Variants in HELLS observed in about 807,000 individuals in gnomAD.
HELLS encodes helicase, lymphoid specific.
Under a neutral mutation model 120.0 loss-of-function variants are expected in HELLS, and 32 were observed. The ratio of observed to expected loss-of-function variants is 0.27; its 90% CI spans 0.20 to 0.36. The LOEUF (loss-of-function observed/expected upper bound fraction) is 0.36, where lower values mean the gene tolerates loss of function less well. Ranked by LOEUF, HELLS falls within the 10% of genes least tolerant of loss-of-function variation. The probability of loss-of-function intolerance (pLI) is 1.00; values close to 1 mark genes in which losing one functional copy is unlikely to be tolerated. For missense variants in HELLS, 650 were observed against 993.4 expected (o/e 0.65, Z 4.65); for synonymous variants, 341 against 323.4 (o/e 1.05, Z -0.58).
chr10:94,567,905 GTTTTT>G (rs34881072), intron 6 of HELLS, among the ~76,000 whole-genome samples: 28 of 130,630 alleles, frequency 2.1e-4, no homozygotes, highest in Non-Finnish European at 3.7e-4. Flanking sequence ...TGAAACCCTG[GTTTTT>G]TTTTTTTTTT....
chr10:94,563,899 T>C (rs186464788), intron 6 of HELLS, among the ~76,000 whole-genome samples: 1 of 151,304 alleles, frequency 6.6e-6, no homozygotes, highest in East Asian at 2.0e-4. Context: ...CATCCTCCGC[T>C]TCCCAGGTTC....
At chr10:94,579,362 G>A (rs1398346513) in intron 10 of HELLS, among the ~76,000 whole-genome samples, 4 of 151,520 alleles carry the variant, frequency 2.6e-5, no homozygotes, top group Non-Finnish European at 5.9e-5. Context: ...AACCATGCCC[G>A]GCTAATTTTT....
chr10:94,555,467 G>T (rs2134000911), intron 3 of HELLS, among the ~76,000 whole-genome samples: 1 of 152,208 alleles, frequency 6.6e-6, no homozygotes, highest in Non-Finnish European at 1.5e-5. Flanking sequence ...AACCCCAAAA[G>T]GGGACAGGGT....
intron 8 of HELLS, among the ~76,000 whole-genome samples, chr10:94,607,693 T>A (rs1206560055): frequency 4.6e-5 from 7 of 152,180 alleles, no homozygotes; most frequent in Admixed American, 4.6e-4. Flanking sequence ...GTATATGATT[T>A]TTTTAGTCTT....
intron 9 of HELLS, among the ~76,000 whole-genome samples, chr10:94,576,272 C>G (rs1269933971): frequency 6.6e-6 from 1 of 152,188 alleles, no homozygotes; most frequent in Non-Finnish European, 1.5e-5. Flanking sequence ...TCTCACTCCA[C>G]TGGGTGAGTA....
intron 15 of HELLS, 40 bp from the exon 16 acceptor site, chr10:94,592,189 A>T: frequency 7.0e-7 from 1 of 1,427,618 alleles, no homozygotes; most frequent in East Asian, 2.3e-5. Context: ...AGCAAATAAC[A>T]GTTTTCTCTC....
At position 94,590,923 on chromosome 10, in the gene HELLS, GTCT is replaced by G. The variant is rs1442242292; in HGVS notation, c.1767+152_1767+154del. ...TGTAATCCTTCAGTAAGCTGAGACA[GTCT>G]TCTTTCCGAAATTTCAGAGAACCTT... On this transcript the variant is annotated intron_variant, in intron 15 of 21. Coordinates refer to ENST00000348459, the MANE Select transcript of HELLS (RefSeq NM_018063.5). The G allele has an allele frequency of 2.7e-5, 13 of 473,734 alleles. No homozygotes were observed. The South Asian group carries it at 3.6e-4, about 13-fold the overall frequency. The allele number at this position is 473,734 out of a possible 1,614,324, so 29.3% of individuals were successfully genotyped here. A position where few individuals can be genotyped will look rare whatever the true frequency, so the allele number is the denominator to read the frequency against.
chr10:94,562,152 C>A (rs538632934), intron 4 of HELLS, among the ~76,000 whole-genome samples: 412 of 151,886 alleles, frequency 2.7e-3, no homozygotes, highest in Non-Finnish European at 4.2e-3. Context: ...GCCTGTAATC[C>A]CAGCACTTGG....
rs1036161222 is a variant in HELLS at position 94,551,254 on chromosome 10, G to T, written c.154-2872G>T. 3.9e-5 allele frequency among the ~76,000 whole-genome samples: 6 copies of T among 152,116 alleles called. No individual in the cohort carries two copies. In the East Asian group the frequency reaches 1.2e-3, roughly 29 times the overall value. On this transcript the variant is annotated intron_variant, in intron 2 of 21. Transcript: ENST00000348459. ...TTAGGTCCATTCTTAGAATCTTACTGTAGTCACTGATTTTATAATAGAAAT... is the reference window on the plus strand; with the variant it reads ...TTAGGTCCATTCTTAGAATCTTACTTTAGTCACTGATTTTATAATAGAAAT...
chr10:94,605,094 T>C (rs955031594), downstream of HELLS, among the ~76,000 whole-genome samples: 1 of 131,812 alleles, frequency 7.6e-6, no homozygotes, highest in African/African-American at 2.8e-5. Flanking sequence ...CCTTTTTTTT[T>C]CCTTTAAGAC....
chr10:94,596,340 C>A (rs995180855), intron 19 of HELLS, among the ~76,000 whole-genome samples: 1 of 152,144 alleles, frequency 6.6e-6, no homozygotes, highest in Non-Finnish European at 1.5e-5. Context: ...TTTGTTCACC[C>A]TTTCCAGTAA....
Position 94,546,441 on chromosome 10 carries a change from A to G in HELLS, c.96A>G (p.Glu32=), listed in dbSNP as rs1388502924. The part of the protein sequence containing the change: ...DTAVITPAML[E]EEEQLEAAGL... ...CTGTGATTACCCCGGCCATGCTAGA[A>G]GAGGAAGAACAGCTTGAAGCTGCTG... The change falls in exon 2 of 22, where the codon GAA becomes GAG. Residue 32 remains glutamate (E), a synonymous_variant. Transcript: ENST00000348459. The G allele has an allele frequency of 3.1e-6, 5 of 1,614,068 alleles. No homozygotes were observed. In the African/African-American group the frequency reaches 6.7e-5, roughly 22 times the overall value.
At chr10:94,605,079 C>A (rs911716153), downstream of HELLS, among the ~76,000 whole-genome samples, 2 of 128,926 alleles carry the variant, frequency 1.6e-5, no homozygotes, top group Admixed American at 7.5e-5. Flanking sequence ...GTCTCCCCCC[C>A]CCCCCCTTTT....
At chr10:94,576,549 A>C in intron 9 of HELLS, 113 bp from the exon 10 acceptor site, 1 of 556,340 alleles carries the variant, frequency 1.8e-6, no homozygotes, top group Non-Finnish European at 3.0e-6. Flanking sequence ...GAAAAATAGA[A>C]ATAAAATTTT....
intron 6 of HELLS, among the ~76,000 whole-genome samples, chr10:94,563,810 T>TTC (rs1246913784): frequency 2.7e-5 from 4 of 146,806 alleles, no homozygotes; most frequent in East Asian, 3.9e-4. Context: ...TTTCTTTTCT[T>TTC]TTTTTTTTTT....
exon 10 of HELLS, chr10:94,611,896 CAT>C (rs1846196627): frequency 6.6e-6 from 1 of 152,194 alleles, no homozygotes; most frequent in Non-Finnish European, 1.5e-5. Context: ...GGCAACATAA[CAT>C]AAATGTCAGT....
intron 18 of HELLS, among the ~76,000 whole-genome samples, chr10:94,593,876 T>C (rs551073869): frequency 1.3e-5 from 2 of 152,024 alleles, no homozygotes; most frequent in African/African-American, 2.4e-5. Flanking sequence ...TTGGCCAGGC[T>C]CTCTTGAATC....
At chr10:94,546,046 G>A in intron 1 of HELLS, 94 bp downstream of exon 1, 3 of 1,409,158 alleles carry the variant, frequency 2.1e-6, no homozygotes, top group Non-Finnish European at 2.9e-6. Context: ...GGAGGGAGCC[G>A]ACCCCGGGCA....
At chr10:94,595,988 AAG>A (rs1005542869) in intron 19 of HELLS, among the ~76,000 whole-genome samples, 4 of 152,110 alleles carry the variant, frequency 2.6e-5, no homozygotes, top group African/African-American at 9.7e-5. Flanking sequence ...ATTGGGGAAA[AAG>A]CATAATTTTT....
Sources: gnomAD v4.1 joint callset for allele counts (sites outside exome capture counted in the v4.1 genomes callset) on GRCh38, gnomAD v4.1.1 for gene constraint, MANE v1.5 for transcripts, NCBI Gene and HGNC (gene_info 2026-07-23, HGNC 2026-07-21) for gene names.